AFDN: variants seen among roughly 807,000 people sequenced by gnomAD.
AFDN encodes the protein afadin, adherens junction formation factor, also known as afadin.
A neutral mutation model predicts 216.6 loss-of-function variants in AFDN; 68 were observed. The observed-to-expected ratio is 0.31, with a 90% CI of 0.26 to 0.38. The LOEUF is 0.38. Ranked by LOEUF, AFDN falls within the 10% of genes least tolerant of loss-of-function variation. The pLI is 1.00. For missense variants in AFDN, 2,136 were observed against 2,342.0 expected, an observed-to-expected ratio of 0.91 and a Z score of 1.82; for synonymous variants, 868 against 853.7, an observed-to-expected ratio of 1.02 and a Z score of -0.29.
At chr6:167,904,745 C>G (rs928816325) in intron 12 of AFDN, among the ~76,000 whole-genome samples, 3 of 152,200 alleles carry the variant, frequency 2.0e-5, no homozygotes, top group African/African-American at 7.2e-5. Context: ...GTTCGTTCCT[C>G]TGCCTCTCTG....
intron 1 of AFDN, among the ~76,000 whole-genome samples, chr6:167,836,081 G>A (rs755278193): frequency 4.6e-5 from 7 of 152,168 alleles, no homozygotes; most frequent in Non-Finnish European, 7.4e-5. Flanking sequence ...TCAGTGCTAA[G>A]ATGCACACAT....
At chr6:167,966,714 T>G (rs1797601869) in intron 32 of AFDN, among the ~76,000 whole-genome samples, 1 of 152,228 alleles carries the variant, frequency 6.6e-6, no homozygotes, top group Non-Finnish European at 1.5e-5. Context: ...GGCAGAACTT[T>G]CTGTTCTGGA....
At chr6:167,936,779 A>G (rs1794064013) in intron 23 of AFDN, among the ~76,000 whole-genome samples, 1 of 152,182 alleles carries the variant, frequency 6.6e-6, no homozygotes, top group Non-Finnish European at 1.5e-5. Context: ...CTGCACTGCC[A>G]TAGCCAGACT....
chr6:167,827,241 A>G lies in AFDN; in HGVS notation c.105+4A>G. ...CGAGATCAGCCAGCCGACCGAGGTG[A>G]GCACCGCCGGGCGCGGGGCCTGCGC... is the stretch of plus-strand genomic sequence containing the variant. On this transcript the variant is annotated splice_donor_region_variant and intron_variant, in intron 1 of 33. Transcript: ENST00000683244. 2 of 1,152,396 alleles carry G rather than the reference A, an allele frequency of 1.7e-6. No individual in the cohort carries two copies. The highest frequency in any genetic ancestry group is 2.2e-6 in the Non-Finnish European group (2 of 909,620). 71.4% of individuals were successfully genotyped at this position (1,152,396 alleles called of 1,614,324 possible).
At chr6:167,870,962 C>T (rs1486523695) in intron 3 of AFDN, among the ~76,000 whole-genome samples, 2 of 152,018 alleles carry the variant, frequency 1.3e-5, no homozygotes, top group Non-Finnish European at 2.9e-5. Context: ...TCTACAACTT[C>T]CTAGGTGGTA....
At chr6:167,829,991 T>C (rs1738099296) in intron 1 of AFDN, among the ~76,000 whole-genome samples, 1 of 152,214 alleles carries the variant, frequency 6.6e-6, no homozygotes, top group Admixed American at 6.5e-5. Flanking sequence ...GGATCCTAGA[T>C]TCATTTGGAA....
Position 167,870,542 on chromosome 6 carries a change from G to A in AFDN, c.414+44G>A, listed in dbSNP as rs755167530. On this transcript the variant is annotated intron_variant, in intron 3 of 33. Transcript: ENST00000683244. ...TTATGACGGTCTTGGTCCAGGGCCA[G>A]GTCTGACTGATAAACAGGAGACTGA... is the stretch of plus-strand genomic sequence containing the variant. 2.5e-6 allele frequency: 3 copies of A among 1,196,908 alleles called. 1 individual carries two copies. In the South Asian group the frequency reaches 4.3e-5, roughly 17 times the overall value. The allele number at this position is 1,196,908 out of a possible 1,614,324, so 74.1% of individuals were successfully genotyped here.
upstream of AFDN, chr6:167,826,833 C>CGCCGCGCGGGGCGGCGGCG (rs1383228023): frequency 6.9e-6 from 1 of 145,378 alleles, no homozygotes; most frequent in African/African-American, 2.5e-5. Context: ...GGGGCGGCGG[C>CGCCGCGCGGGGCGGCGGCG]GCGCACGGCG....
Position 167,911,089 on chromosome 6 carries a change from T to C in AFDN, c.1770-12T>C. The C allele has an allele frequency of 1.9e-6, 3 of 1,609,006 alleles. No individual in the cohort carries two copies. Among genetic ancestry groups the C allele is most frequent in the Non-Finnish European group, 2.5e-6 (3 of 1,178,362 alleles). On this transcript the variant is annotated splice_polypyrimidine_tract_variant and intron_variant, in intron 13 of 33. Coordinates refer to ENST00000683244, the MANE Select transcript of AFDN (RefSeq NM_001386888.1). ...GACCTTATTTTAAGTGATGTCAGCT[T>C]TCTTCTTTTAGAACACAGGATGCTT...
Position 167,964,924 on chromosome 6 carries a change from T to G in AFDN, c.4969-833T>G, listed in dbSNP as rs532046186. ...AACAAAACTGTGCTGTTACCTTTTT[T>G]AATGTTAAAAGAATTTTAACACTGT... is the stretch of plus-strand genomic sequence containing the variant. On this transcript the variant is annotated intron_variant, in intron 31 of 33. Coordinates refer to ENST00000683244, the MANE Select transcript of AFDN (RefSeq NM_001386888.1). 12 of 1,060,080 alleles carry G rather than the reference T, an allele frequency of 1.1e-5. No individual in the cohort carries two copies. In the African/African-American group the frequency reaches 1.1e-4, roughly 10 times the overall value. The allele number at this position is 1,060,080 out of a possible 1,614,324, so 65.7% of individuals were successfully genotyped here. A position where few individuals can be genotyped will look rare whatever the true frequency, so the allele number is the denominator to read the frequency against.
chr6:167,880,001 G>C (rs983797987), intron 5 of AFDN, among the ~76,000 whole-genome samples: 2 of 152,144 alleles, frequency 1.3e-5, no homozygotes, highest in Non-Finnish European at 2.9e-5. Context: ...AAATCGCAAA[G>C]CAATTGAATA....
chr6:167,958,812 T>C (rs1172518762), intron 30 of AFDN, among the ~76,000 whole-genome samples: 2 of 152,208 alleles, frequency 1.3e-5, no homozygotes, highest in Non-Finnish European at 2.9e-5. Flanking sequence ...CAAGCAGGAA[T>C]TAGTAGGAAG....
At position 167,898,406 on chromosome 6, in the gene AFDN, G is replaced by GCTC; in HGVS notation, c.1520_1522dup (p.Ala507_Leu508insPro). ...GTTTGTGGACCCCAGTCAGGATCAT[G>GCTC]CTCTTGCAAAAAGATCTGTGGATGG... On this transcript the variant is annotated inframe_insertion, in exon 11 of 34. Coordinates refer to ENST00000683244, the MANE Select transcript of AFDN (RefSeq NM_001386888.1). The GCTC allele has an allele frequency of 6.2e-7, 1 of 1,614,198 alleles. No individual in the cohort carries two copies. Among genetic ancestry groups the GCTC allele is most frequent in the Admixed American group, 1.7e-5 (1 of 60,026 alleles).
chr6:167,923,719 G>A (rs1397349330), intron 22 of AFDN, among the ~76,000 whole-genome samples: 1 of 151,360 alleles, frequency 6.6e-6, no homozygotes, highest in Non-Finnish European at 1.5e-5. Context: ...TGCCTCCTGG[G>A]TTCAAGCGAT....
At chr6:167,883,685 G>A (rs9364367) in intron 6 of AFDN, among the ~76,000 whole-genome samples, 134,541 of 152,238 alleles carry the variant, frequency 0.88, 59,635 homozygotes, top group Non-Finnish European at 0.92. Context: ...ATATAAAAAT[G>A]CTTTATTACT....
intron 6 of AFDN, among the ~76,000 whole-genome samples, chr6:167,885,004 C>T (rs933311215): frequency 6.6e-6 from 1 of 152,188 alleles, no homozygotes; most frequent in Non-Finnish European, 1.5e-5. Context: ...CCATTAGCTG[C>T]TTCACCTTGC....
chr6:167,891,734 A>G (rs1248753701), intron 8 of AFDN, among the ~76,000 whole-genome samples: 4 of 152,162 alleles, frequency 2.6e-5, no homozygotes, highest in Admixed American at 6.5e-5. Flanking sequence ...TATGCTGTGC[A>G]TGGCTGTACA....
At chr6:167,848,772 C>G (rs924881709) in intron 1 of AFDN, among the ~76,000 whole-genome samples, 5 of 152,144 alleles carry the variant, frequency 3.3e-5, no homozygotes, top group Admixed American at 1.3e-4. Context: ...ACCCTGATTT[C>G]CGTCGGTGAG....
chr6:167,906,560 G>A (rs551160229), intron 12 of AFDN, among the ~76,000 whole-genome samples: 1 of 152,220 alleles, frequency 6.6e-6, no homozygotes, highest in Admixed American at 6.5e-5. Flanking sequence ...TTTTCTTAAT[G>A]TAGGTAACTC....
Sources: allele counts gnomAD v4.1 joint callset (sites outside exome capture counted in the v4.1 genomes callset), GRCh38; gene constraint gnomAD v4.1.1; transcripts MANE v1.5; gene names NCBI Gene and HGNC (gene_info 2026-07-23, HGNC 2026-07-21).